Variants in ACADSB observed in about 807,000 individuals in gnomAD.
ACADSB encodes the protein acyl-CoA dehydrogenase short/branched chain.
Under a neutral mutation model 54.1 loss-of-function variants are expected in ACADSB, and 40 were observed. The observed-to-expected ratio is 0.74, with a 90% CI of 0.57 to 0.96. The LOEUF is 0.96. ACADSB is among the 40% of genes least tolerant of loss of function. ACADSB has a pLI of 0.00. For synonymous variants in ACADSB, 182 were observed against 182.8 expected (o/e 1.00, Z 0.03); for missense variants, 530 against 510.4 (o/e 1.04, Z -0.37).
intron 8 of ACADSB, 62 bp from the exon 9 acceptor site, chr10:123,050,987 T>C (rs534689734): frequency 1.3e-6 from 2 of 1,578,074 alleles, no homozygotes; most frequent in Non-Finnish European, 1.7e-6. Flanking sequence ...GGCAGGACTT[T>C]GAGGTTGAGG....
chr10:123,036,817 T>A (rs151067341), intron 2 of ACADSB, among the ~76,000 whole-genome samples: 1 of 152,070 alleles, frequency 6.6e-6, no homozygotes, highest in African/African-American at 2.4e-5. Flanking sequence ...CAAAGTGCAG[T>A]TGGCCAGCTG....
intron 1 of ACADSB, among the ~76,000 whole-genome samples, chr10:123,020,695 T>A (rs1357140504): frequency 6.6e-6 from 1 of 152,204 alleles, no homozygotes; most frequent in Non-Finnish European, 1.5e-5. Flanking sequence ...TCAAAAACAA[T>A]GTATGAGAGA....
chr10:123,053,102 G>A lies in ACADSB; in HGVS notation c.1170G>A (p.Gly390=). The part of the protein sequence containing the change: ...QTTSKCIEWM[G]GVGYTKDYPV... ...CGAGTAAATGTATCGAGTGGATGGGGGGAGTAGGCTACACCAAAGATTACC... is the reference window on the plus strand; with the variant it reads ...CGAGTAAATGTATCGAGTGGATGGGAGGAGTAGGCTACACCAAAGATTACC... Residue 390 remains glycine, a synonymous_variant, in exon 10 of 11, where the codon GGG becomes GGA. Coordinates refer to ENST00000358776, the MANE Select transcript of ACADSB (RefSeq NM_001609.4). 1 of 1,614,062 alleles carries A rather than the reference G, an allele frequency of 6.2e-7. No individual in the cohort carries two copies. Among genetic ancestry groups the A allele is most frequent in the Non-Finnish European group, 8.5e-7 (1 of 1,179,976 alleles).
At chr10:123,045,153 ATATATATATATATATATATTTTTT>A (rs1850538545) in intron 7 of ACADSB, among the ~76,000 whole-genome samples, 2 of 10,212 alleles carry the variant, frequency 2.0e-4, no homozygotes, top group Non-Finnish European at 4.8e-4. Context: ...ATATATATAT[ATATATATATATATATATATTTTTT>A]TTTTTTTTTT....
intron 1 of ACADSB, among the ~76,000 whole-genome samples, chr10:123,029,149 T>C (rs9423318): frequency 0.49 from 74,722 of 151,624 alleles, 19,730 homozygotes; most frequent in Non-Finnish European, 0.61. Flanking sequence ...GAGTTCGAGA[T>C]CAGCCTGGCT....
rs1850652145 is a variant in ACADSB, at chr10:123,052,980, T to C, written c.1129-81T>C. Reference sequence around the variant, plus strand: ...CAGTGCCACTAACAGTAAATCCATGTTGCTGAAAATGTTACCCAGAAGTGT... The same window carrying C: ...CAGTGCCACTAACAGTAAATCCATGCTGCTGAAAATGTTACCCAGAAGTGT... On this transcript the variant is annotated intron_variant, in intron 9 of 10. Transcript: ENST00000358776. The surrounding 1 kb of genome is among the most constrained non-coding windows in gnomAD (Gnocchi z 4.2). The C allele has an allele frequency of 9.1e-7, 1 of 1,100,556 alleles. No homozygotes were observed. The highest frequency in any genetic ancestry group is 1.3e-5 in the South Asian group (1 of 79,638). 68.2% of individuals were successfully genotyped at this position (1,100,556 alleles called of 1,614,324 possible). A position where few individuals can be genotyped will look rare whatever the true frequency, so the allele number is the denominator to read the frequency against.
intron 1 of ACADSB, among the ~76,000 whole-genome samples, chr10:123,011,527 CTTT>C (rs35312878): frequency 5.0e-5 from 7 of 139,340 alleles, no homozygotes; most frequent in Non-Finnish European, 3.1e-5. Context: ...AGCTTGATAT[CTTT>C]TTTTTTTTTT....
chr10:123,047,392 A>AG (rs1404135645), intron 8 of ACADSB, 94 bp downstream of exon 8: 1 of 929,350 alleles, frequency 1.1e-6, no homozygotes, highest in African/African-American at 1.6e-5. Context: ...GAATCCCTTC[A>AG]GGGGGATTTT....
intron 1 of ACADSB, among the ~76,000 whole-genome samples, chr10:123,014,454 C>T (rs911388701): frequency 7.9e-5 from 12 of 152,206 alleles, no homozygotes; most frequent in Non-Finnish European, 1.8e-4. Flanking sequence ...CCCGCCTTGG[C>T]CTCCCAAAGT....
At chr10:123,012,384 C>T (rs1037779232) in intron 1 of ACADSB, among the ~76,000 whole-genome samples, 7 of 152,130 alleles carry the variant, frequency 4.6e-5, no homozygotes, top group Non-Finnish European at 8.8e-5. Context: ...ATCCCCAGTG[C>T]GGAGGTTTTG....
chr10:123,034,956 CT>C (rs1026343750), intron 2 of ACADSB, among the ~76,000 whole-genome samples: 65 of 140,190 alleles, frequency 4.6e-4, no homozygotes, highest in Middle Eastern at 3.6e-3. Context: ...TCTTTTTTTT[CT>C]TTTTTTTTTT....
In ACADSB at chr10:123,043,102, A is replaced by G; in HGVS notation, c.738A>G (p.Ile246Met). ...ATCGTGATACTCCGGGCCTTCATATAGGGAAACCTGAAAACAAATTGGGGC... is the reference window on the plus strand; with the variant it reads ...ATCGTGATACTCCGGGCCTTCATATGGGGAAACCTGAAAACAAATTGGGGC... ...LVDRDTPGLH[I>M]GKPENKLGLR... The change falls in exon 6 of 11, where the codon ATA becomes ATG. Residue 246 changes from isoleucine (I) to methionine (M), a missense_variant. Transcript: ENST00000358776. The G allele has an allele frequency of 6.2e-7, 1 of 1,614,076 alleles. No individual in the cohort carries two copies. Among genetic ancestry groups the G allele is most frequent in the Non-Finnish European group, 8.5e-7 (1 of 1,179,930 alleles).
chr10:123,051,479 T>C (rs139957612), intron 9 of ACADSB, among the ~76,000 whole-genome samples: 1 of 152,138 alleles, frequency 6.6e-6, no homozygotes, highest in African/African-American at 2.4e-5. Flanking sequence ...TCTCCATGTT[T>C]CGTGAGTAGC....
rs548764009 is a variant in ACADSB, at chr10:123,052,397, C to G, written c.1129-664C>G. ...GGCATGTTCAGATCTCTCTCTGACT[C>G]TGCTTCCTGTCTCCATGGTCACGTC... On this transcript the variant is annotated intron_variant, in intron 9 of 10. Transcript: ENST00000358776. This position sits in a 1 kb window ranked among gnomAD's most constrained non-coding sequence, Gnocchi z 4.2. Among the ~76,000 whole-genome samples the G allele has an allele frequency of 6.6e-6, 1 of 152,320 alleles. No individual in the cohort carries two copies. Among genetic ancestry groups the G allele is most frequent in the Admixed American group, 6.5e-5 (1 of 15,300 alleles).
intron 1 of ACADSB, among the ~76,000 whole-genome samples, chr10:123,032,737 G>C (rs1315084306): frequency 6.6e-6 from 1 of 151,964 alleles, no homozygotes; most frequent in Non-Finnish European, 1.5e-5. Flanking sequence ...TTACAGGCAT[G>C]TGCCACCATG....
intron 1 of ACADSB, among the ~76,000 whole-genome samples, chr10:123,018,012 G>C (rs894343053): frequency 2.0e-5 from 3 of 152,098 alleles, no homozygotes; most frequent in African/African-American, 7.2e-5. Flanking sequence ...CTAAAGTTCT[G>C]TGTTGATGTT....
At chr10:123,051,571 G>A (rs1046323972) in intron 9 of ACADSB, among the ~76,000 whole-genome samples, 21 of 152,040 alleles carry the variant, frequency 1.4e-4, no homozygotes. Flanking sequence ...TGTCAAGTTC[G>A]GGCAAAGTGA....
chr10:123,044,437 GT>G lies in ACADSB; in HGVS notation c.853del (p.Tyr285MetfsTer3). 1 of 1,613,984 alleles carries G rather than the reference GT, an allele frequency of 6.2e-7. No individual in the cohort carries two copies. Among genetic ancestry groups the G allele is most frequent in the Non-Finnish European group, 8.5e-7 (1 of 1,179,918 alleles). Reference sequence around the variant, plus strand: ...TGGGACAAATTGGACATGGCTATAAGTATGCCATAGGGAGTCTCAATGAAGG... The same window carrying G: ...TGGGACAAATTGGACATGGCTATAAGATGCCATAGGGAGTCTCAATGAAGG... ...ILGQIGHGYK[Y>X]AIGSLNEGRI... On this transcript the variant is annotated frameshift_variant, in exon 7 of 11. Transcript: ENST00000358776. LOFTEE classifies it high-confidence loss of function.
At chr10:123,013,694 G>A (rs1019364293) in intron 1 of ACADSB, among the ~76,000 whole-genome samples, 10 of 152,356 alleles carry the variant, frequency 6.6e-5, no homozygotes, top group Admixed American at 2.0e-4. Context: ...GCGCGGCGCC[G>A]GTGGGCCAGC....
Sources: allele counts gnomAD v4.1 joint callset (sites outside exome capture counted in the v4.1 genomes callset), GRCh38; gene constraint gnomAD v4.1.1; non-coding constraint Gnocchi (gnomAD v3.1); transcripts MANE v1.5; gene names NCBI Gene and HGNC (gene_info 2026-07-23, HGNC 2026-07-21).